UBTD2: variants seen among roughly 807,000 people sequenced by gnomAD.
UBTD2 encodes ubiquitin domain-containing protein 2.
A neutral mutation model predicts 19.8 loss-of-function variants in UBTD2; 9 were observed. The observed-to-expected ratio is 0.46, with a 90% CI of 0.27 to 0.79. UBTD2 has a LOEUF of 0.79. Among genes scored for constraint, UBTD2 ranks in the 30% least tolerant of loss-of-function variants. The pLI, the probability that UBTD2 is intolerant of heterozygous loss-of-function variation, is 0.14. For synonymous variants in UBTD2, 98 were observed against 103.9 expected (o/e 0.94, Z 0.35); for missense variants, 250 against 300.4 (o/e 0.83, Z 1.24).
At chr5:172,240,212 G>A (rs1772099299) in intron 1 of UBTD2, among the ~76,000 whole-genome samples, 2 of 152,136 alleles carry the variant, frequency 1.3e-5, no homozygotes, top group Non-Finnish European at 2.9e-5. Context: ...GATCACTGAA[G>A]AGGAATCCTG....
At chr5:172,242,817 T>G (rs1772158981) in intron 1 of UBTD2, among the ~76,000 whole-genome samples, 1 of 152,208 alleles carries the variant, frequency 6.6e-6, no homozygotes, top group African/African-American at 2.4e-5. Context: ...AAAAGGGTGA[T>G]TCTTCTAAGT....
At chr5:172,224,162 C>T (rs970909552) in intron 2 of UBTD2, among the ~76,000 whole-genome samples, 1 of 152,036 alleles carries the variant, frequency 6.6e-6, no homozygotes, top group African/African-American at 2.4e-5. Context: ...ACCCAAATCT[C>T]GTCTTGAATT....
intron 2 of UBTD2, among the ~76,000 whole-genome samples, chr5:172,230,662 G>A (rs189337839): frequency 1.6e-4 from 24 of 152,180 alleles, no homozygotes; most frequent in South Asian, 2.1e-4. Context: ...AACTGATATC[G>A]AAGGCTGAAC....
intron 1 of UBTD2, among the ~76,000 whole-genome samples, chr5:172,269,403 A>C (rs937922878): frequency 2.0e-5 from 3 of 150,718 alleles, no homozygotes; most frequent in African/African-American, 7.3e-5. Context: ...AGGCAGGAGA[A>C]TCACTTGAGC....
intron 1 of UBTD2, among the ~76,000 whole-genome samples, chr5:172,274,798 T>G: frequency 6.6e-6 from 1 of 151,986 alleles, no homozygotes; most frequent in East Asian, 1.9e-4. Context: ...CCCAGCACTT[T>G]GGGTGGCCGA....
At chr5:172,266,194 G>A (rs1291246402) in intron 1 of UBTD2, among the ~76,000 whole-genome samples, 1 of 152,090 alleles carries the variant, frequency 6.6e-6, no homozygotes, top group Non-Finnish European at 1.5e-5. Flanking sequence ...GCCTCCGAAA[G>A]TGCTGGGATT....
intron 1 of UBTD2, among the ~76,000 whole-genome samples, chr5:172,261,781 C>T (rs1755274913): frequency 3.3e-5 from 5 of 152,144 alleles, no homozygotes; most frequent in Admixed American, 3.3e-4. Flanking sequence ...TGCGCCTCCA[C>T]ATCCAGCTAA....
intron 2 of UBTD2, among the ~76,000 whole-genome samples, chr5:172,215,044 A>T (rs762777024): frequency 6.6e-6 from 1 of 152,200 alleles, no homozygotes; most frequent in African/African-American, 2.4e-5. Context: ...GACACCCAGG[A>T]GCTGAAATCT....
intron 2 of UBTD2, among the ~76,000 whole-genome samples, chr5:172,217,543 G>C (rs1298975910): frequency 1.3e-5 from 2 of 151,802 alleles, no homozygotes; most frequent in Non-Finnish European, 2.9e-5. Context: ...TAATACACTG[G>C]TGTGATCACA....
intron 1 of UBTD2, among the ~76,000 whole-genome samples, chr5:172,244,577 T>C (rs547213878): frequency 6.6e-6 from 1 of 152,012 alleles, no homozygotes; most frequent in East Asian, 1.9e-4. Context: ...GGATTACAGA[T>C]GTAAGCCACT....
chr5:172,238,662 A>AT (rs1772059228), intron 1 of UBTD2, among the ~76,000 whole-genome samples: 2 of 152,334 alleles, frequency 1.3e-5, no homozygotes, highest in African/African-American at 4.8e-5. Flanking sequence ...AATTTTAAAT[A>AT]TTTTTACTAC....
At position 172,279,854 on chromosome 5, in the gene UBTD2, T is replaced by C. The variant is rs182295481; in HGVS notation, c.70+3742A>G. Among the ~76,000 whole-genome samples the C allele has an allele frequency of 9.2e-5, 14 of 152,154 alleles. No homozygotes were observed. The East Asian group carries it at 2.3e-3, about 25-fold the overall frequency. On this transcript the variant is annotated intron_variant, in intron 1 of 2. Transcript: ENST00000393792. ...GAGAACCATACAGAATGTCTGAAAATGTCAAAACAGGCTGGGCGAGGTGGC... is the reference window on the plus strand; with the variant it reads ...GAGAACCATACAGAATGTCTGAAAACGTCAAAACAGGCTGGGCGAGGTGGC...
chr5:172,217,201 CAGG>C (rs1771560821), intron 2 of UBTD2, among the ~76,000 whole-genome samples: 1 of 151,570 alleles, frequency 6.6e-6, no homozygotes, highest in Non-Finnish European at 1.5e-5. Flanking sequence ...CACCTGAGGT[CAGG>C]AGTTCAAGAT....
At chr5:172,256,981 T>TA (rs200935184) in intron 1 of UBTD2, among the ~76,000 whole-genome samples, 1 of 151,556 alleles carries the variant, frequency 6.6e-6, no homozygotes, top group Non-Finnish European at 1.5e-5. Context: ...ATGAATTCTT[T>TA]TTTTTCTTCT....
chr5:172,224,452 G>T (rs1771721401), intron 2 of UBTD2, among the ~76,000 whole-genome samples: 3 of 152,072 alleles, frequency 2.0e-5, no homozygotes, highest in African/African-American at 7.2e-5. Context: ...GACCATGCCT[G>T]GCTAATTTTT....
At chr5:172,218,327 T>G (rs925608471) in intron 2 of UBTD2, among the ~76,000 whole-genome samples, 1 of 152,148 alleles carries the variant, frequency 6.6e-6, no homozygotes, top group African/African-American at 2.4e-5. Flanking sequence ...CAGTGATCAC[T>G]GGGAAATTTA....
chr5:172,267,684 T>C (rs568177199), intron 1 of UBTD2, among the ~76,000 whole-genome samples: 4 of 152,210 alleles, frequency 2.6e-5, no homozygotes, highest in South Asian at 4.1e-4. Context: ...CTCTAAATCA[T>C]GTTTAAAAAT....
chr5:172,281,712 TA>T (rs1199110273), intron 1 of UBTD2, among the ~76,000 whole-genome samples: 9 of 152,126 alleles, frequency 5.9e-5, no homozygotes, highest in African/African-American at 2.2e-4. Context: ...ATCATGACAA[TA>T]ATGGAGAATA....
chr5:172,228,858 C>A (rs530543842), intron 2 of UBTD2, among the ~76,000 whole-genome samples: 2 of 151,914 alleles, frequency 1.3e-5, no homozygotes, highest in African/African-American at 2.4e-5. Context: ...TTTGTAAGTG[C>A]CTTTGTTTTT....
Sources: allele counts gnomAD v4.1 joint callset (sites outside exome capture counted in the v4.1 genomes callset), GRCh38; gene constraint gnomAD v4.1.1; transcripts MANE v1.5; gene names NCBI Gene and HGNC (gene_info 2026-07-23, HGNC 2026-07-21).